Variants in RASD2 observed in about 807,000 individuals in gnomAD.
The protein encoded by RASD2 is GTP-binding protein Rhes.
A neutral mutation model predicts 15.8 loss-of-function variants in RASD2; 7 were observed. The observed-to-expected ratio is 0.44, with a 90% CI of 0.25 to 0.83. The LOEUF (loss-of-function observed/expected upper bound fraction) is 0.83. RASD2 is among the 40% of genes least tolerant of loss of function. RASD2 has a pLI of 0.20. For synonymous variants in RASD2, 155 were observed against 153.6 expected, an observed-to-expected ratio of 1.01 and a Z score of -0.07; for missense variants, 274 against 382.8, an observed-to-expected ratio of 0.72 and a Z score of 2.37.
At chr22:35,549,733 G>A (rs1308298364) in intron 2 of RASD2, among the ~76,000 whole-genome samples, 1 of 152,194 alleles carries the variant, frequency 6.6e-6, no homozygotes, top group Non-Finnish European at 1.5e-5. Flanking sequence ...CTCTGTGCCC[G>A]AGCTGTTTGG....
chr22:35,544,578 A>G (rs1934446284), intron 1 of RASD2, among the ~76,000 whole-genome samples: 1 of 152,208 alleles, frequency 6.6e-6, no homozygotes, highest in Non-Finnish European at 1.5e-5. Flanking sequence ...TGCTCTGTTC[A>G]TGGCATGGCA....
At position 35,546,930 on chromosome 22, in the gene RASD2, A is replaced by G. The variant is rs1477685174; in HGVS notation, c.121A>G (p.Asn41Asp). ...GKSSIVSRFL[N>D]GRFEDQYTPT... The stretch of plus-strand genomic sequence containing the variant: ...GAGCTCCATCGTGTCTCGCTTCCTC[A>G]ATGGCCGCTTTGAGGACCAGTACAC... Residue 41 changes from asparagine to aspartate, a missense_variant, in exon 2 of 3, where the codon AAT becomes GAT. Coordinates refer to ENST00000216127, the MANE Select transcript of RASD2 (RefSeq NM_014310.4). 1.2e-6 allele frequency: 2 copies of G among 1,613,828 alleles called. No homozygotes were observed. Among genetic ancestry groups the G allele is most frequent in the East Asian group, 4.5e-5 (2 of 44,876 alleles).
Position 35,552,984 on chromosome 22 carries a change from T to C in RASD2, c.*952T>C, listed in dbSNP as rs1601820009. The C allele has an allele frequency of 6.6e-6, 1 of 151,988 alleles. No homozygotes were observed. Among genetic ancestry groups the C allele is most frequent in the South Asian group, 2.1e-4 (1 of 4,786 alleles). 9.4% of individuals were successfully genotyped at this position (151,988 alleles called of 1,614,324 possible). A position where few individuals can be genotyped will look rare whatever the true frequency, so the allele number is the denominator to read the frequency against. On this transcript the variant is annotated 3_prime_UTR_variant, in exon 3 of 3. Coordinates refer to ENST00000216127, the MANE Select transcript of RASD2 (RefSeq NM_014310.4). ...GCAGGCCAGGACTGCTTTTTTTTAA[T>C]GCTCCCATTTCACAGAGGATACCAC...
In RASD2 at chr22:35,551,435, C is replaced by T; in HGVS notation, c.272-68C>T. On this transcript the variant is annotated intron_variant, in intron 2 of 2. Transcript: ENST00000216127. This position sits in a 1 kb window ranked among gnomAD's most constrained non-coding sequence, Gnocchi z 4.9. ...ACTCCCAGCTCTTAGGGCTGATGTTCTGTGGCCAGAGGAGGGCAGGGGTTG... is the reference window on the plus strand; with the variant it reads ...ACTCCCAGCTCTTAGGGCTGATGTTTTGTGGCCAGAGGAGGGCAGGGGTTG... 6.6e-7 allele frequency: 1 copy of T among 1,514,282 alleles called. No individual in the cohort carries two copies. Among genetic ancestry groups the T allele is most frequent in the Non-Finnish European group, 9.0e-7 (1 of 1,110,890 alleles). The allele number at this position is 1,514,282 out of a possible 1,614,324, so 93.8% of individuals were successfully genotyped here.
At chr22:35,539,922 C>A (rs111622637), upstream of RASD2, among the ~76,000 whole-genome samples, 3 of 152,200 alleles carry the variant, frequency 2.0e-5, no homozygotes, top group East Asian at 5.8e-4. Context: ...GCTCAAGGCA[C>A]CTGGTGTGTC....
chr22:35,536,958 G>C (rs2145863994), upstream of RASD2, among the ~76,000 whole-genome samples: 1 of 152,338 alleles, frequency 6.6e-6, no homozygotes, highest in East Asian at 1.9e-4. Flanking sequence ...CAACTCCAGA[G>C]CAATTAAATC....
upstream of RASD2, among the ~76,000 whole-genome samples, chr22:35,539,199 C>A (rs1934287602): frequency 6.6e-6 from 1 of 152,238 alleles, no homozygotes; most frequent in South Asian, 2.1e-4. Flanking sequence ...ATTCTGTGGA[C>A]CCATCAATAT....
At position 35,541,182 on chromosome 22, in the gene RASD2, C is replaced by CGGGCACCTGGCTCAGCAGG. The variant is rs1293605356; in HGVS notation, c.-327_-309dup. 1 of 152,120 alleles carries CGGGCACCTGGCTCAGCAGG rather than the reference C, an allele frequency of 6.6e-6. No individual in the cohort carries two copies. The highest frequency in any genetic ancestry group is 1.5e-5 in the Non-Finnish European group (1 of 68,036). The allele number at this position is 152,120 out of a possible 1,614,324, so 9.4% of individuals were successfully genotyped here. Reference sequence around the variant, plus strand: ...CCCGGATCGGACGTCCCCAAGCCTCCGGGCACCTGGCTCAGCAGGAGGCCC... The same window carrying CGGGCACCTGGCTCAGCAGG: ...CCCGGATCGGACGTCCCCAAGCCTCCGGGCACCTGGCTCAGCAGGGGGCACCTGGCTCAGCAGGAGGCCC... On this transcript the variant is annotated 5_prime_UTR_variant, in exon 1 of 3. Transcript: ENST00000216127.
chr22:35,545,299 C>T (rs945446273), intron 1 of RASD2, among the ~76,000 whole-genome samples: 14 of 152,136 alleles, frequency 9.2e-5, no homozygotes, highest in Admixed American at 3.3e-4. Flanking sequence ...AGCCAGGAAG[C>T]GATGGTGTTG....
chr22:35,540,553 C>A (rs1472284519), upstream of RASD2, among the ~76,000 whole-genome samples: 1 of 151,480 alleles, frequency 6.6e-6, no homozygotes. Context: ...AGCAGGTGGG[C>A]GACGCTCGCA....
intron 2 of RASD2, among the ~76,000 whole-genome samples, chr22:35,550,870 G>A (rs903522799): frequency 1.3e-5 from 2 of 152,114 alleles, no homozygotes; most frequent in African/African-American, 4.8e-5. Flanking sequence ...GAGAACAACG[G>A]GCCTGGAGCA....
chr22:35,540,196 C>G (rs978625997), upstream of RASD2, among the ~76,000 whole-genome samples: 2 of 152,082 alleles, frequency 1.3e-5, no homozygotes, highest in Non-Finnish European at 1.5e-5. Flanking sequence ...CGCTGGAGAC[C>G]CCGGCCGAGT....
In RASD2 at chr22:35,541,507, G is replaced by A. The variant is rs1466392832; in HGVS notation, c.-10+7G>A. The A allele has an allele frequency of 6.6e-6, 1 of 152,240 alleles. No homozygotes were observed. 9.4% of individuals were successfully genotyped at this position (152,240 alleles called of 1,614,324 possible). ...CCCGGCCCGCCATTCCCAGGTAGGAGACGCCCCAACAGAGCTGGGCATCTG... is the reference window on the plus strand; with the variant it reads ...CCCGGCCCGCCATTCCCAGGTAGGAAACGCCCCAACAGAGCTGGGCATCTG... On this transcript the variant is annotated splice_region_variant and intron_variant, in intron 1 of 2. Transcript: ENST00000216127.
chr22:35,542,659 A>T (rs1462414568), intron 1 of RASD2, among the ~76,000 whole-genome samples: 1 of 152,120 alleles, frequency 6.6e-6, no homozygotes, highest in Non-Finnish European at 1.5e-5. Flanking sequence ...CTGATGGAGG[A>T]GGCATGGGGG....
At chr22:35,549,224 C>T (rs984799748) in intron 2 of RASD2, among the ~76,000 whole-genome samples, 7 of 152,352 alleles carry the variant, frequency 4.6e-5, no homozygotes, top group Admixed American at 2.0e-4. Context: ...GTGACTACAC[C>T]GGCATTCGTA....
chr22:35,538,906 G>A (rs1044393357), upstream of RASD2, among the ~76,000 whole-genome samples: 5 of 152,276 alleles, frequency 3.3e-5, no homozygotes, highest in South Asian at 2.1e-4. Context: ...AAACCCTCCC[G>A]GGCTGAAGCC....
At chr22:35,549,139 C>T (rs1241905191) in intron 2 of RASD2, among the ~76,000 whole-genome samples, 1 of 152,268 alleles carries the variant, frequency 6.6e-6, no homozygotes, top group Non-Finnish European at 1.5e-5. Flanking sequence ...TGACCCATGT[C>T]CCCAATCCCA....
In RASD2 at chr22:35,552,047, G is replaced by T. The variant is rs540432518; in HGVS notation, c.*15G>T. 19 of 1,586,672 alleles carry T rather than the reference G, an allele frequency of 1.2e-5. No homozygotes were observed. Among genetic ancestry groups the T allele is most frequent in the Non-Finnish European group, 1.6e-5 (19 of 1,171,166 alleles). ...CCATCCAGTGAGCGAGGGATGCTGG[G>T]GCGGGGCTTGGCCAGTGCCTTCAGG... On this transcript the variant is annotated 3_prime_UTR_variant, in exon 3 of 3. Coordinates refer to ENST00000216127, the MANE Select transcript of RASD2 (RefSeq NM_014310.4).
chr22:35,538,117 T>C (rs1282001484), upstream of RASD2, among the ~76,000 whole-genome samples: 1 of 151,952 alleles, frequency 6.6e-6, no homozygotes, highest in African/African-American at 2.4e-5. Flanking sequence ...GGGTAGTTTT[T>C]ATATTTTTAG....
Sources: gnomAD v4.1 joint callset for allele counts (sites outside exome capture counted in the v4.1 genomes callset) on GRCh38, gnomAD v4.1.1 for gene constraint, Gnocchi (gnomAD v3.1) non-coding constraint, MANE v1.5 for transcripts, NCBI Gene and HGNC (gene_info 2026-07-23, HGNC 2026-07-21) for gene names.